The following KLK6 variants were observed in gnomAD, a reference collection of about 807,000 sequenced individuals.
KLK6 encodes the protein kallikrein related peptidase 6, also known as kallikrein-6.
Under a neutral mutation model 21.7 loss-of-function variants are expected in KLK6, and 16 were observed. The observed-to-expected ratio is 0.74, with a 90% confidence interval of 0.50 to 1.12. The LOEUF is 1.12. Among genes scored for constraint, KLK6 ranks in the 50% most tolerant of loss-of-function variants. KLK6 has a pLI of 0.00. For synonymous variants in KLK6, 116 were observed against 120.1 expected, an observed-to-expected ratio of 0.97 and a Z score of 0.22; for missense variants, 276 against 304.6, an observed-to-expected ratio of 0.91 and a Z score of 0.70.
chr19:50,969,270 T>A (rs915204571), intron 1 of KLK6, among the ~76,000 whole-genome samples: 1 of 152,088 alleles, frequency 6.6e-6, no homozygotes, highest in African/African-American at 2.4e-5. Context: ...GAGGAAGTTC[T>A]AGTCGGCTCA....
chr19:50,967,823 C>A (rs1204428572), intron 3 of KLK6, among the ~76,000 whole-genome samples: 1 of 151,994 alleles, frequency 6.6e-6, no homozygotes, highest in African/African-American at 2.4e-5. Context: ...CCTACCTCTT[C>A]TATGTTTAGA....
intron 4 of KLK6, among the ~76,000 whole-genome samples, chr19:50,965,392 C>G (rs1347728014): frequency 2.0e-5 from 3 of 152,032 alleles, no homozygotes; most frequent in African/African-American, 7.3e-5. Flanking sequence ...TCAAGCAATT[C>G]TCCTGCCTTA....
chr19:50,966,688 C>A (rs1271729620), intron 4 of KLK6, among the ~76,000 whole-genome samples: 1 of 152,222 alleles, frequency 6.6e-6, no homozygotes, highest in Non-Finnish European at 1.5e-5. Flanking sequence ...GTAATCTCAG[C>A]TACTTGGGGT....
chr19:50,963,185 G>A, intron 5 of KLK6, 117 bp downstream of exon 5: 2 of 1,399,466 alleles, frequency 1.4e-6, no homozygotes, highest in East Asian at 2.3e-5. Context: ...TGTCCCATTG[G>A]TCCTCACCAT....
chr19:50,965,596 A>G (rs538529337), intron 4 of KLK6, among the ~76,000 whole-genome samples: 1 of 152,126 alleles, frequency 6.6e-6, no homozygotes, highest in East Asian at 1.9e-4. Flanking sequence ...GCTTGTCTGC[A>G]CCTTTCTGTC....
chr19:50,960,151 G>A (rs987675928), intron 6 of KLK6, among the ~76,000 whole-genome samples: 1 of 132,752 alleles, frequency 7.5e-6, no homozygotes. Flanking sequence ...GGAGGAGGGG[G>A]AGGAGGAGAC....
chr19:50,968,672 AAGCGGAGGAC>A (rs2090966430), intron 1 of KLK6, 81 bp from the exon 2 acceptor site: 1 of 162,096 alleles, frequency 6.2e-6, no homozygotes, highest in South Asian at 1.8e-4. Flanking sequence ...TGGCAGAGCC[AAGCGGAGGAC>A]GCAGGGGCCG....
intron 6 of KLK6, 95 bp from the exon 7 acceptor site, chr19:50,959,411 C>A (rs970579544): frequency 1.3e-5 from 10 of 793,518 alleles, no homozygotes; most frequent in Non-Finnish European, 1.9e-5. Context: ...GTGTGTGTGA[C>A]AGAGAGAGAG....
chr19:50,962,780 G>A (rs1600092070), intron 5 of KLK6: 1 of 156,198 alleles, frequency 6.4e-6, no homozygotes, highest in Non-Finnish European at 1.4e-5. Flanking sequence ...GGATCCTGCT[G>A]ATCTATTGGA....
intron 4 of KLK6, among the ~76,000 whole-genome samples, chr19:50,966,580 C>A (rs982503977): frequency 1.2e-4 from 19 of 152,186 alleles, no homozygotes; most frequent in Non-Finnish European, 2.6e-4. Context: ...GCGGGCGGAT[C>A]ACCTGAGGTC....
intron 4 of KLK6, among the ~76,000 whole-genome samples, chr19:50,964,138 C>T (rs902617634): frequency 6.6e-6 from 1 of 152,176 alleles, no homozygotes; most frequent in Non-Finnish European, 1.5e-5. Context: ...CCTGTCTTGC[C>T]TTGAACACAA....
At chr19:50,961,020 T>A (rs1242128364) in intron 6 of KLK6, among the ~76,000 whole-genome samples, 2 of 152,182 alleles carry the variant, frequency 1.3e-5, no homozygotes, top group South Asian at 4.1e-4. Flanking sequence ...CACCTCGGCC[T>A]CCCAAGGTGC....
intron 5 of KLK6, chr19:50,962,103 C>T (rs2123629749): frequency 2.0e-6 from 1 of 490,802 alleles, no homozygotes; most frequent in East Asian, 3.5e-5. Context: ...GGCTGTCTTC[C>T]TCATTAATAG....
rs534944580 is a variant in KLK6 at position 50,963,808 on chromosome 19, C to A, written c.198-259G>T. Among the ~76,000 whole-genome samples, 26 of 152,294 alleles carry A rather than the reference C, an allele frequency of 1.7e-4. No homozygotes were observed. The East Asian group carries it at 3.1e-3, about 18-fold the overall frequency. On this transcript the variant is annotated intron_variant, in intron 4 of 6. Transcript: ENST00000310157. ...GAATCTGGCCACATCTCACCTTTCCCACGGCTACCATCTTGGTTTGAGCTG... is the reference window on the plus strand; with the variant it reads ...GAATCTGGCCACATCTCACCTTTCCAACGGCTACCATCTTGGTTTGAGCTG...
At chr19:50,959,355 C>G in intron 6 of KLK6, 39 bp from the exon 7 acceptor site, 1 of 1,552,904 alleles carries the variant, frequency 6.4e-7, no homozygotes, top group Non-Finnish European at 8.8e-7. Flanking sequence ...CAGATAGAAA[C>G]CCAGAGACTG....
At position 50,968,049 on chromosome 19, in the gene KLK6, A is replaced by G; in HGVS notation, c.40+16T>C. 1 of 1,612,950 alleles carries G rather than the reference A, an allele frequency of 6.2e-7. No homozygotes were observed. The highest frequency in any genetic ancestry group is 8.5e-7 in the Non-Finnish European group (1 of 1,179,330). ...CCTGTCTGCAAGCCTCCCCCATCCA[A>G]ATGCCCTTTCCCCACCTGCAGCAAT... On this transcript the variant is annotated intron_variant, in intron 3 of 6. Transcript: ENST00000310157.
intron 4 of KLK6, among the ~76,000 whole-genome samples, chr19:50,965,833 C>T (rs927096915): frequency 1.3e-5 from 2 of 152,296 alleles, no homozygotes; most frequent in Admixed American, 6.5e-5. Flanking sequence ...CAAAATGGTG[C>T]CAAGAGTCCC....
At chr19:50,966,013 T>A (rs920953144) in intron 4 of KLK6, among the ~76,000 whole-genome samples, 3 of 152,136 alleles carry the variant, frequency 2.0e-5, no homozygotes, top group Non-Finnish European at 2.9e-5. Context: ...TTTTGGATGA[T>A]CTCATCTAGT....
chr19:50,961,694 G>A (rs2090842968), intron 6 of KLK6, 50 bp downstream of exon 6: 1 of 1,589,328 alleles, frequency 6.3e-7, no homozygotes, highest in Non-Finnish European at 8.6e-7. Context: ...ATGTTTTTGT[G>A]ACTTCGTCCT....
Sources: allele counts gnomAD v4.1 joint callset (sites outside exome capture counted in the v4.1 genomes callset), GRCh38; gene constraint gnomAD v4.1.1; transcripts MANE v1.5; gene names NCBI Gene and HGNC (gene_info 2026-07-23, HGNC 2026-07-21).